The following WWOX variants were observed in gnomAD, a reference collection of about 807,000 sequenced individuals.
WWOX encodes the protein WW domain-containing oxidoreductase.
WWOX carries 69 observed loss-of-function variants against 46.2 expected under a neutral mutation model. The observed-to-expected ratio is 1.49, with a 90% CI of 1.23 to 1.82. The LOEUF (loss-of-function observed/expected upper bound fraction) is 1.82. Among genes scored for constraint, WWOX ranks in the 40% most tolerant of loss-of-function variants. The probability of loss-of-function intolerance (pLI) is 0.00; values close to 1 mark genes in which losing one functional copy is unlikely to be tolerated. For synonymous variants in WWOX, 359 were observed against 202.6 expected, an observed-to-expected ratio of 1.77 and a Z score of -6.56; for missense variants, 919 against 542.6, an observed-to-expected ratio of 1.69 and a Z score of -6.89.
intron 4 of WWOX, among the ~76,000 whole-genome samples, chr16:78,125,611 C>G (rs1481901155): frequency 6.6e-6 from 1 of 152,122 alleles, no homozygotes; most frequent in Non-Finnish European, 1.5e-5. Flanking sequence ...CCTGTAAACC[C>G]AGCCCTTTGG....
At chr16:78,376,752 G>C (rs62035785) in intron 5 of WWOX, among the ~76,000 whole-genome samples, 14,457 of 152,204 alleles carry the variant, frequency 0.095, 799 homozygotes, top group African/African-American at 0.14. Flanking sequence ...GCAGATGTCT[G>C]CTAGCAGTTA....
chr16:78,184,183 T>C (rs908916244), intron 5 of WWOX, among the ~76,000 whole-genome samples: 2 of 152,144 alleles, frequency 1.3e-5, no homozygotes, highest in Non-Finnish European at 2.9e-5. Context: ...AGGAGGATTT[T>C]TAAAAAGCAG....
At chr16:78,367,488 G>C (rs58722795) in intron 5 of WWOX, among the ~76,000 whole-genome samples, 8,078 of 151,984 alleles carry the variant, frequency 0.053, 282 homozygotes, top group East Asian at 0.12. Flanking sequence ...ATAATTCTTT[G>C]TCCAGTGTCA....
At chr16:78,145,279 A>G (rs576709582) in intron 4 of WWOX, among the ~76,000 whole-genome samples, 1 of 152,268 alleles carries the variant, frequency 6.6e-6, no homozygotes, top group East Asian at 1.9e-4. Context: ...GACTCCCACA[A>G]TCACAAGCTG....
At chr16:78,793,469 G>A (rs7196279) in intron 8 of WWOX, among the ~76,000 whole-genome samples, 54,203 of 151,906 alleles carry the variant, frequency 0.36, 9,897 homozygotes, top group East Asian at 0.43. Flanking sequence ...TTTTTATCCA[G>A]TTTTGCTTTC....
intron 8 of WWOX, among the ~76,000 whole-genome samples, chr16:78,786,725 C>T (rs895914527): frequency 4.6e-5 from 7 of 152,224 alleles, no homozygotes; most frequent in South Asian, 2.1e-4. Flanking sequence ...CACTCAATCA[C>T]TGTTTCCTTT....
intron 8 of WWOX, among the ~76,000 whole-genome samples, chr16:79,063,534 C>G (rs1285207059): frequency 6.6e-6 from 1 of 152,154 alleles, no homozygotes; most frequent in Non-Finnish European, 1.5e-5. Flanking sequence ...GTGTTTGGGC[C>G]CCTTTCAGGG....
chr16:78,904,761 C>G (rs774854166), intron 8 of WWOX, among the ~76,000 whole-genome samples: 10 of 152,194 alleles, frequency 6.6e-5, no homozygotes, highest in Admixed American at 2.0e-4. Flanking sequence ...ACACTTAGTA[C>G]TTTCTAAAAT....
chr16:78,707,820 G>A (rs1490667981), intron 8 of WWOX, among the ~76,000 whole-genome samples: 1 of 150,780 alleles, frequency 6.6e-6, no homozygotes, highest in Non-Finnish European at 1.5e-5. Flanking sequence ...GTGCTAGAGA[G>A]CGAGACTCTG....
intron 8 of WWOX, among the ~76,000 whole-genome samples, chr16:78,856,850 A>G (rs1340931508): frequency 6.6e-6 from 1 of 152,150 alleles, no homozygotes; most frequent in African/African-American, 2.4e-5. Flanking sequence ...TCGTTAGGCC[A>G]TTTTGTCATT....
intron 8 of WWOX, among the ~76,000 whole-genome samples, chr16:79,127,137 G>A (rs1003295855): frequency 6.6e-6 from 1 of 151,394 alleles, no homozygotes; most frequent in South Asian, 2.1e-4. Context: ...TAAAAACAAG[G>A]TGTATATGTA....
intron 6 of WWOX, among the ~76,000 whole-genome samples, chr16:78,397,272 A>G (rs191573546): frequency 8.6e-4 from 130 of 151,766 alleles, no homozygotes; most frequent in Non-Finnish European, 1.1e-3. Flanking sequence ...TAATTGGAGT[A>G]TGGAACCATA....
At chr16:78,108,727 C>T (rs1211456115) in intron 2 of WWOX, among the ~76,000 whole-genome samples, 2 of 152,232 alleles carry the variant, frequency 1.3e-5, no homozygotes, top group Non-Finnish European at 2.9e-5. Context: ...GTGGCTCATG[C>T]CTGTAATCCC....
At chr16:79,017,208 A>T (rs1014078356) in intron 8 of WWOX, 8 of 152,122 alleles carry the variant, frequency 5.3e-5, no homozygotes, top group Non-Finnish European at 8.8e-5. Context: ...AGGCGGGCGG[A>T]TCACGAGGTC....
At chr16:78,956,540 T>C (rs954275576) in intron 8 of WWOX, among the ~76,000 whole-genome samples, 8 of 152,348 alleles carry the variant, frequency 5.3e-5, no homozygotes, top group African/African-American at 1.9e-4. Context: ...GTTGGTGATA[T>C]ATATTCTGTG....
intron 8 of WWOX, among the ~76,000 whole-genome samples, chr16:79,164,669 C>G (rs191597737): frequency 1.8e-3 from 277 of 152,256 alleles, no homozygotes; most frequent in African/African-American, 6.2e-3. Context: ...AAATGAATTT[C>G]GAAAGGGCCG....
At chr16:78,996,348 A>G (rs1475691116) in intron 8 of WWOX, 1 of 980,536 alleles carries the variant, frequency 1.0e-6, no homozygotes, top group Admixed American at 6.2e-5. Flanking sequence ...AGGATGAAAT[A>G]GAAAGAGTGT....
At chr16:78,423,487 C>T (rs192796484) in intron 6 of WWOX, among the ~76,000 whole-genome samples, 3 of 152,130 alleles carry the variant, frequency 2.0e-5, no homozygotes, top group Admixed American at 6.5e-5. Flanking sequence ...CTTATTGGTA[C>T]AGTATGATTT....
chr16:78,803,682 C>T (rs533489300), intron 8 of WWOX, among the ~76,000 whole-genome samples: 8 of 152,222 alleles, frequency 5.3e-5, no homozygotes, highest in African/African-American at 1.9e-4. Flanking sequence ...TGCTCTCAAA[C>T]TCCTAGGCTC....
Sources: gnomAD v4.1 joint callset for allele counts (sites outside exome capture counted in the v4.1 genomes callset) on GRCh38, gnomAD v4.1.1 for gene constraint, MANE v1.5 for transcripts, NCBI Gene and HGNC (gene_info 2026-07-23, HGNC 2026-07-21) for gene names.